Variants in MGAT4C observed in about 807,000 individuals in gnomAD.
MGAT4C encodes the protein MGAT4 family member C, also known as alpha-1,3-mannosyl-glycoprotein 4-beta-N-acetylglucosaminyltransferase C.
MGAT4C carries 19 observed loss-of-function variants against 40.1 expected under a neutral mutation model. The ratio of observed to expected loss-of-function variants is 0.47; its 90% CI spans 0.33 to 0.70. The LOEUF is 0.70. Ranked by LOEUF, MGAT4C falls within the 30% of genes least tolerant of loss-of-function variation. The pLI is 0.02. For missense variants in MGAT4C, 491 were observed against 563.2 expected (o/e 0.87, Z 1.30); for synonymous variants, 181 against 187.1 (o/e 0.97, Z 0.27).
chr12:86,606,094 G>A (rs898471021), intron 2 of MGAT4C, among the ~76,000 whole-genome samples: 1 of 151,832 alleles, frequency 6.6e-6, no homozygotes, highest in Non-Finnish European at 1.5e-5. Context: ...AAAACCATTA[G>A]ATCTCGTGAA....
chr12:86,705,533 G>C (rs1260216839), intron 2 of MGAT4C, among the ~76,000 whole-genome samples: 1 of 151,838 alleles, frequency 6.6e-6, no homozygotes, highest in Non-Finnish European at 1.5e-5. Context: ...TGGATCCCAG[G>C]TAAAGAAAAT....
At chr12:86,298,272 G>A (rs1440563426) in intron 4 of MGAT4C, among the ~76,000 whole-genome samples, 13 of 151,838 alleles carry the variant, frequency 8.6e-5, no homozygotes, top group Admixed American at 7.9e-4. Flanking sequence ...TATTCATGAA[G>A]AACAAAAATA....
At chr12:86,332,895 T>G (rs1954704271) in intron 4 of MGAT4C, among the ~76,000 whole-genome samples, 1 of 152,158 alleles carries the variant, frequency 6.6e-6, no homozygotes, top group African/African-American at 2.4e-5. Flanking sequence ...TATTAAGTGA[T>G]AGTCAAGTTT....
intron 3 of MGAT4C, among the ~76,000 whole-genome samples, chr12:86,338,304 A>G (rs1954832364): frequency 1.3e-5 from 2 of 152,044 alleles, no homozygotes; most frequent in South Asian, 4.2e-4. Context: ...AGATCAGATG[A>G]GCCAGTTTAT....
intron 2 of MGAT4C, among the ~76,000 whole-genome samples, chr12:86,462,750 T>C (rs1957620501): frequency 6.6e-6 from 1 of 152,158 alleles, no homozygotes; most frequent in Non-Finnish European, 1.5e-5. Flanking sequence ...AGTCTGATGT[T>C]TGAGTGCAAG....
At chr12:86,789,266 T>C (rs540269795) in intron 1 of MGAT4C, among the ~76,000 whole-genome samples, 3 of 152,208 alleles carry the variant, frequency 2.0e-5, no homozygotes, top group African/African-American at 7.2e-5. Flanking sequence ...ATTATCTCAC[T>C]CAACCTTCAC....
In MGAT4C at chr12:85,961,904, A is replaced by G. The variant is rs1445537998; in HGVS notation, c.*17385T>C. The G allele has an allele frequency of 6.6e-6, 1 of 151,852 alleles. No homozygotes were observed. Among genetic ancestry groups the G allele is most frequent in the Admixed American group, 6.6e-5 (1 of 15,232 alleles). The allele number at this position is 151,852 out of a possible 1,614,324, so 9.4% of individuals were successfully genotyped here. ...GATGGAACTTAATGATGTAAGAGTT[A>G]ATTACCCATTGTCAAAAATCATTGC... is the stretch of plus-strand genomic sequence containing the variant. On this transcript the variant is annotated 3_prime_UTR_variant, in exon 5 of 5. Coordinates refer to ENST00000611864, the MANE Select transcript of MGAT4C (RefSeq NM_001351288.2).
chr12:86,641,770 G>T (rs145290913), intron 2 of MGAT4C, among the ~76,000 whole-genome samples: 1 of 151,414 alleles, frequency 6.6e-6, no homozygotes, highest in Non-Finnish European at 1.5e-5. Flanking sequence ...CATAACCTCC[G>T]CAAAAAAGGA....
intron 1 of MGAT4C, among the ~76,000 whole-genome samples, chr12:86,137,933 C>T (rs1882206601): frequency 6.6e-6 from 1 of 152,140 alleles, no homozygotes; most frequent in Non-Finnish European, 1.5e-5. Flanking sequence ...TTCTGAGGAG[C>T]ATTTTACCCT....
At chr12:86,095,563 G>T (rs1007457514) in intron 1 of MGAT4C, among the ~76,000 whole-genome samples, 3 of 151,302 alleles carry the variant, frequency 2.0e-5, no homozygotes, top group African/African-American at 4.8e-5. Flanking sequence ...TTTATTCTAG[G>T]GGCTACCTAT....
chr12:86,427,702 C>G (rs933862690), intron 3 of MGAT4C, among the ~76,000 whole-genome samples: 1 of 152,120 alleles, frequency 6.6e-6, no homozygotes, highest in Non-Finnish European at 1.5e-5. Flanking sequence ...AAAAGGTGAA[C>G]ATTTTCATTC....
chr12:86,109,766 T>C (rs1281191722), intron 1 of MGAT4C, among the ~76,000 whole-genome samples: 1 of 151,994 alleles, frequency 6.6e-6, no homozygotes, highest in Non-Finnish European at 1.5e-5. Context: ...AGGCAAAATG[T>C]ATGAAATCCC....
intron 4 of MGAT4C, 31 bp downstream of exon 4, chr12:85,983,492 A>G: frequency 1.3e-6 from 2 of 1,483,734 alleles, no homozygotes; most frequent in Non-Finnish European, 1.8e-6. Context: ...TATTTTATGT[A>G]TTCTTTATTT....
chr12:86,124,998 G>T (rs1326936629), intron 1 of MGAT4C, among the ~76,000 whole-genome samples: 1 of 152,122 alleles, frequency 6.6e-6, no homozygotes, highest in East Asian at 1.9e-4. Flanking sequence ...GTGGAAATGT[G>T]ACCAGAATGA....
At chr12:85,987,383 C>T (rs1266032893) in intron 3 of MGAT4C, among the ~76,000 whole-genome samples, 1 of 151,614 alleles carries the variant, frequency 6.6e-6, no homozygotes, top group South Asian at 2.1e-4. Flanking sequence ...GTGATCCGCC[C>T]GCCTCGGCCT....
At chr12:86,711,446 C>G (rs1950555306) in intron 2 of MGAT4C, among the ~76,000 whole-genome samples, 1 of 151,944 alleles carries the variant, frequency 6.6e-6, no homozygotes. Flanking sequence ...AGTCAGTATA[C>G]CAAAACAGAT....
At chr12:86,767,946 A>T (rs1951546711) in intron 1 of MGAT4C, among the ~76,000 whole-genome samples, 1 of 152,218 alleles carries the variant, frequency 6.6e-6, no homozygotes, top group Non-Finnish European at 1.5e-5. Context: ...ATTCCCTTTG[A>T]AAACTGGCAC....
intron 1 of MGAT4C, among the ~76,000 whole-genome samples, chr12:86,751,855 G>A (rs1213095337): frequency 6.6e-6 from 1 of 151,896 alleles, no homozygotes; most frequent in East Asian, 1.9e-4. Context: ...ATTATAATAA[G>A]GAAATAGAAG....
intron 2 of MGAT4C, among the ~76,000 whole-genome samples, chr12:86,501,171 A>T (rs1357116577): frequency 6.6e-6 from 1 of 152,038 alleles, no homozygotes; most frequent in South Asian, 2.1e-4. Context: ...ACATTACCCT[A>T]TACACAAAAA....
Sources: gnomAD v4.1 joint callset for allele counts (sites outside exome capture counted in the v4.1 genomes callset) on GRCh38, gnomAD v4.1.1 for gene constraint, MANE v1.5 for transcripts, NCBI Gene and HGNC (gene_info 2026-07-23, HGNC 2026-07-21) for gene names.